OTOG: variants seen among roughly 807,000 people sequenced by gnomAD.
OTOG encodes the protein otogelin.
A neutral mutation model predicts 313.8 loss-of-function variants in OTOG; 296 were observed. The observed-to-expected ratio is 0.94, with a 90% confidence interval of 0.86 to 1.04. The LOEUF is 1.04. OTOG is among the 50% of genes least tolerant of loss of function. OTOG has a pLI of 0.00. For synonymous variants in OTOG, 1,533 were observed against 1,554.9 expected (o/e 0.99, Z 0.33); for missense variants, 3,948 against 3,840.1 (o/e 1.03, Z -0.74).
chr11:17,640,328 C>T (rs1433977060), intron 49 of OTOG, among the ~76,000 whole-genome samples: 1 of 152,214 alleles, frequency 6.6e-6, no homozygotes, highest in African/African-American at 2.4e-5. Context: ...TCTTAGCCAC[C>T]AGGCTGCATG....
rs1358756884 is a variant in OTOG at position 17,602,383 on chromosome 11, G to A, written c.3877+6G>A. The A allele has an allele frequency of 2.6e-6, 4 of 1,548,106 alleles. No individual in the cohort carries two copies. The highest frequency in any genetic ancestry group is 2.4e-5 in the East Asian group (1 of 40,876). On this transcript the variant is annotated splice_donor_region_variant and intron_variant, in intron 32 of 55. Transcript: ENST00000399397. Reference sequence around the variant, plus strand: ...GTACAAGGCCAAGGCCCATGGTAAGGCCCATCCCAGTCCCACTCCAGCTCT... The same window carrying A: ...GTACAAGGCCAAGGCCCATGGTAAGACCCATCCCAGTCCCACTCCAGCTCT...
rs566990941 is a variant in OTOG, at chr11:17,607,740, C to T, written c.4157-556C>T. Among the ~76,000 whole-genome samples, 5 of 152,346 alleles carry T rather than the reference C, an allele frequency of 3.3e-5. No homozygotes were observed. The South Asian group carries it at 1.0e-3, about 32-fold the overall frequency. The stretch of plus-strand genomic sequence containing the variant: ...GGGGGAATAACACCTCCCTTGCAAG[C>T]TCTCTGGGGCTAGGTGCCCAGGAAC... On this transcript the variant is annotated intron_variant, in intron 33 of 55. Transcript: ENST00000399397.
intron 39 of OTOG, among the ~76,000 whole-genome samples, chr11:17,616,579 A>C (rs1018231785): frequency 6.6e-6 from 1 of 152,052 alleles, no homozygotes; most frequent in Non-Finnish European, 1.5e-5. Flanking sequence ...TTTTAGTGTA[A>C]GGATCCTATA....
At chr11:17,578,812 G>C (rs1265589206) in intron 23 of OTOG, among the ~76,000 whole-genome samples, 1 of 152,200 alleles carries the variant, frequency 6.6e-6, no homozygotes, top group Non-Finnish European at 1.5e-5. Context: ...GAATCAGTGA[G>C]CTCACTCAGT....
rs1399817838 is a variant in OTOG, at chr11:17,553,212, G to T, written c.385+1G>T. The T allele has an allele frequency of 6.5e-7, 1 of 1,550,286 alleles. No homozygotes were observed. The highest frequency in any genetic ancestry group is 8.7e-7 in the Non-Finnish European group (1 of 1,146,960). The stretch of plus-strand genomic sequence containing the variant: ...GCCACTGGACCGCGCTGCCAGATGG[G>T]TGGGTCTGGGCTCCACCCCACCCCC... On this transcript the variant is annotated splice_donor_variant, in intron 5 of 55. Coordinates refer to ENST00000399397, the MANE Select transcript of OTOG (RefSeq NM_001292063.2). LOFTEE classifies it high-confidence loss of function.
chr11:17,558,776 C>A, intron 10 of OTOG, 132 bp downstream of exon 10: 1 of 1,017,690 alleles, frequency 9.8e-7, no homozygotes, highest in Non-Finnish European at 1.5e-6. Flanking sequence ...TCTTATCTGC[C>A]TAGGTGGGAC....
intron 39 of OTOG, among the ~76,000 whole-genome samples, chr11:17,614,924 A>G (rs937534590): frequency 6.6e-6 from 1 of 152,246 alleles, no homozygotes; most frequent in African/African-American, 2.4e-5. Flanking sequence ...GGATGTATTT[A>G]GCTTTACAAT....
chr11:17,556,954 A>G lies in OTOG; in HGVS notation c.660-164A>G, dbSNP rs536838692. 5.9e-5 allele frequency among the ~76,000 whole-genome samples: 9 copies of G among 152,288 alleles called. No individual in the cohort carries two copies. In the South Asian group the frequency reaches 1.9e-3, roughly 32 times the overall value. Reference sequence around the variant, plus strand: ...AAAATTTCTAAAGACAAAAGAATCCATCTCTAATGGTATACTTCCAGGCAC... The same window carrying G: ...AAAATTTCTAAAGACAAAAGAATCCGTCTCTAATGGTATACTTCCAGGCAC... On this transcript the variant is annotated intron_variant, in intron 7 of 55. Transcript: ENST00000399397.
chr11:17,638,578 G>A (rs577633321), intron 48 of OTOG, 29 bp downstream of exon 48: 21 of 1,541,648 alleles, frequency 1.4e-5, no homozygotes, highest in African/African-American at 2.7e-5. Context: ...CAGCCTCCCC[G>A]CTGGGAGATC....
chr11:17,571,435 A>C (rs1392975429), intron 17 of OTOG, among the ~76,000 whole-genome samples: 1 of 152,072 alleles, frequency 6.6e-6, no homozygotes, highest in Non-Finnish European at 1.5e-5. Flanking sequence ...CAACACCTAC[A>C]CCTGGGTTTG....
chr11:17,547,603 A>G, intron 1 of OTOG, 137 bp downstream of exon 1: 1 of 1,266,552 alleles, frequency 7.9e-7, no homozygotes, highest in Non-Finnish European at 9.9e-7. Flanking sequence ...ACCCAGGAGG[A>G]GCAGTCAGGG....
In OTOG at chr11:17,572,142, C is replaced by G. The variant is rs966623682; in HGVS notation, c.2018C>G (p.Ser673Cys). 2 of 1,550,394 alleles carry G rather than the reference C, an allele frequency of 1.3e-6. No homozygotes were observed. The highest frequency in any genetic ancestry group is 2.7e-5 in the African/African-American group (2 of 73,014). The change falls in exon 18 of 56, where the codon TCT (serine) becomes TGT (cysteine). Residue 673 changes from serine to cysteine, a missense_variant. Ser to Cys is a moderately radical substitution (Grantham distance 112). Coordinates refer to ENST00000399397, the MANE Select transcript of OTOG (RefSeq NM_001292063.2). ...TTTGGCAATTCCTGGAAAACACTTT[C>G]TGCTTGCTCCCCGCTGGTCTCTGGC... ...QLFGNSWKTL[S>C]ACSPLVSGSP...
Position 17,640,987 on chromosome 11 carries a change from G to A in OTOG, c.8086G>A (p.Asp2696Asn), listed in dbSNP as rs1847958090. The change falls in exon 51 of 56, where the codon GAT (aspartate) becomes AAT (asparagine). Residue 2696 changes from aspartate (D) to asparagine (N), a missense_variant. Transcript: ENST00000399397. ...CCAGACAGTGGTGGAGCTCTCAGCA[G>A]ATGGCGTGTGCCACACCTCCCGCTG... ...PGQTVVELSA[D>N]GVCHTSRCTT... 3.9e-6 allele frequency: 6 copies of A among 1,548,528 alleles called. No individual in the cohort carries two copies. The highest frequency in any genetic ancestry group is 4.4e-6 in the Non-Finnish European group (5 of 1,146,980).
chr11:17,632,049 C>T (rs1854141515), intron 41 of OTOG, 39 bp from the exon 42 acceptor site: 1 of 1,544,990 alleles, frequency 6.5e-7, no homozygotes, highest in African/African-American at 1.4e-5. Context: ...GGGATATGTG[C>T]CATCCGAGTA....
chr11:17,631,590 G>T, intron 40 of OTOG, 112 bp from the exon 41 acceptor site: 1 of 861,496 alleles, frequency 1.2e-6, no homozygotes, highest in Non-Finnish European at 1.8e-6. Context: ...ATAAAATGGG[G>T]ATAATGGTAT....
At chr11:17,612,481 T>C (rs1853585659) in intron 37 of OTOG, 139 bp from the exon 38 acceptor site, 3 of 1,385,074 alleles carry the variant, frequency 2.2e-6, no homozygotes, top group East Asian at 2.5e-5. Context: ...ATCTGTGTGA[T>C]GCGTGGTCTG....
At chr11:17,627,569 G>A (rs1184983243) in intron 39 of OTOG, among the ~76,000 whole-genome samples, 1 of 152,054 alleles carries the variant, frequency 6.6e-6, no homozygotes, top group East Asian at 1.9e-4. Context: ...GATATGTCCT[G>A]GTCTGGTTTT....
intron 8 of OTOG, 30 bp downstream of exon 8, chr11:17,557,353 G>T (rs1052519581): frequency 6.5e-7 from 1 of 1,545,270 alleles, no homozygotes. Context: ...CCTCTGAGGG[G>T]TGTTGGTGGG....
chr11:17,638,037 A>G (rs1013575495), intron 47 of OTOG, among the ~76,000 whole-genome samples: 2 of 152,216 alleles, frequency 1.3e-5, no homozygotes, highest in Non-Finnish European at 2.9e-5. Flanking sequence ...GCAGGGTAGC[A>G]TCAGCTGAAG....
Sources: gnomAD v4.1 joint callset for allele counts (sites outside exome capture counted in the v4.1 genomes callset) on GRCh38, gnomAD v4.1.1 for gene constraint, MANE v1.5 for transcripts, NCBI Gene and HGNC (gene_info 2026-07-23, HGNC 2026-07-21) for gene names.